Variants in ELOVL6 observed in about 807,000 individuals in gnomAD.
ELOVL6 encodes very long chain fatty acid elongase 6.
Under a neutral mutation model 31.7 loss-of-function variants are expected in ELOVL6, and 8 were observed. The ratio of observed to expected loss-of-function variants is 0.25; its 90% CI spans 0.15 to 0.45. The LOEUF (loss-of-function observed/expected upper bound fraction) is 0.45, where lower values mean the gene tolerates loss of function less well. ELOVL6 is among the 20% of genes least tolerant of loss of function. ELOVL6 has a pLI of 1.00. For missense variants in ELOVL6, 126 were observed against 326.4 expected (o/e 0.39, Z 4.73); for synonymous variants, 101 against 117.7 (o/e 0.86, Z 0.92).
intron 1 of ELOVL6, among the ~76,000 whole-genome samples, chr4:110,153,124 G>A (rs1162312202): frequency 6.6e-6 from 1 of 152,074 alleles, no homozygotes; most frequent in Non-Finnish European, 1.5e-5. Context: ...CTTGTAAGTA[G>A]GAAACCAGAA....
intron 1 of ELOVL6, among the ~76,000 whole-genome samples, chr4:110,125,826 C>CAA (rs200901190): frequency 2.6e-4 from 34 of 131,530 alleles, no homozygotes; most frequent in East Asian, 1.3e-3. Context: ...GACTCCATCT[C>CAA]AAAAAAAAAA....
chr4:110,062,662 C>CCCCT (rs1755180425), intron 2 of ELOVL6, among the ~76,000 whole-genome samples: 1 of 152,174 alleles, frequency 6.6e-6, no homozygotes, highest in Non-Finnish European at 1.5e-5. Context: ...TGTTCTGCTA[C>CCCCT]CCCTAGTCCT....
intron 1 of ELOVL6, among the ~76,000 whole-genome samples, chr4:110,158,657 A>ATATATATATATATATATATTTTTTT: frequency 2.7e-5 from 2 of 74,160 alleles, no homozygotes; most frequent in Non-Finnish European, 4.6e-5. Flanking sequence ...ATATATATAT[A>ATATATATATATATATATATTTTTTT]TTTTTTTTTT....
chr4:110,066,721 T>C (rs1276035476), intron 2 of ELOVL6, among the ~76,000 whole-genome samples: 1 of 147,766 alleles, frequency 6.8e-6, no homozygotes, highest in Non-Finnish European at 1.5e-5. Flanking sequence ...CACCTCAAAC[T>C]CTAAACCCTT....
intron 2 of ELOVL6, among the ~76,000 whole-genome samples, chr4:110,073,579 C>T (rs1040258786): frequency 2.0e-5 from 3 of 152,144 alleles, no homozygotes; most frequent in African/African-American, 7.2e-5. Flanking sequence ...ACTGAATTTT[C>T]CTAATGGCCT....
At position 110,092,343 on chromosome 4, in the gene ELOVL6, G is replaced by A. The variant is rs80105849; in HGVS notation, c.221+13154C>T. Among the ~76,000 whole-genome samples, 682 of 152,300 alleles carry A rather than the reference G, an allele frequency of 4.5e-3. 3 individuals are homozygous for A. Among genetic ancestry groups the A allele is most frequent in the Middle Eastern group, 0.02 (6 of 294 alleles). On this transcript the variant is annotated intron_variant, in intron 2 of 3. Coordinates refer to ENST00000302274, the MANE Select transcript of ELOVL6 (RefSeq NM_024090.3). ...AAGAACTGTCAATGCTTTCAAGGCC[G>A]AGGTCATAAGAGGCCTGTAAGAAGT... is the stretch of plus-strand genomic sequence containing the variant.
At chr4:110,110,401 ATT>A (rs397878146) in intron 1 of ELOVL6, among the ~76,000 whole-genome samples, 10,115 of 109,482 alleles carry the variant, frequency 0.092, 276 homozygotes, top group East Asian at 0.25. Flanking sequence ...TTTTCCGCAG[ATT>A]TTTTTTTTTT....
Position 110,084,011 on chromosome 4 carries a change from G to GC in ELOVL6, c.221+21485_221+21486insG, listed in dbSNP as rs1560813501. Among the ~76,000 whole-genome samples the GC allele has an allele frequency of 9.3e-5, 6 of 64,690 alleles. 2 individuals carry two copies. The East Asian group carries it at 2.5e-3, about 27-fold the overall frequency. 42.4% of individuals were successfully genotyped at this position (64,690 alleles called of 152,430 possible). A position where few individuals can be genotyped will look rare whatever the true frequency, so the allele number is the denominator to read the frequency against. ...ACGATATATAACATATGCCATATAT[G>GC]GTATATAACATATGCCATATATGGT... On this transcript the variant is annotated intron_variant, in intron 2 of 3. Transcript: ENST00000302274.
intron 2 of ELOVL6, among the ~76,000 whole-genome samples, chr4:110,081,061 A>G (rs1245057680): frequency 6.6e-6 from 1 of 152,164 alleles, no homozygotes; most frequent in South Asian, 2.1e-4. Context: ...CTTCAAGGAG[A>G]ACTACAAACC....
Position 110,198,525 on chromosome 4 carries a change from C to A in ELOVL6, c.-190G>T, listed in dbSNP as rs1169739806. On this transcript the variant is annotated 5_prime_UTR_variant, in exon 1 of 4. Coordinates refer to ENST00000302274, the MANE Select transcript of ELOVL6 (RefSeq NM_024090.3). The stretch of plus-strand genomic sequence containing the variant: ...TACATCCAGGGCTGAGCATTGCCTG[C>A]GCCTCCGCTCCCAGCTCCTCTCTCT... 3 of 540,914 alleles carry A rather than the reference C, an allele frequency of 5.5e-6. No homozygotes were observed. Among genetic ancestry groups the A allele is most frequent in the East Asian group, 3.2e-5 (1 of 31,212 alleles). 33.5% of individuals were successfully genotyped at this position (540,914 alleles called of 1,614,324 possible).
At chr4:110,113,495 A>G (rs1757094587) in intron 1 of ELOVL6, among the ~76,000 whole-genome samples, 1 of 150,458 alleles carries the variant, frequency 6.6e-6, no homozygotes, top group East Asian at 2.0e-4. Context: ...GGGTGGGAGG[A>G]CTGAGCCTAG....
At chr4:110,058,087 C>G (rs1243375859) in intron 3 of ELOVL6, among the ~76,000 whole-genome samples, 1 of 152,156 alleles carries the variant, frequency 6.6e-6, no homozygotes, top group East Asian at 1.9e-4. Context: ...TGACTTCATA[C>G]CTAGTGGTAC....
Position 110,156,006 on chromosome 4 carries a change from AG to A in ELOVL6, c.89+42240del, listed in dbSNP as rs544759257. Among the ~76,000 whole-genome samples, 16 of 152,376 alleles carry A rather than the reference AG, an allele frequency of 1.1e-4. No homozygotes were observed. In the South Asian group the frequency reaches 3.3e-3, roughly 32 times the overall value. On this transcript the variant is annotated intron_variant, in intron 1 of 3. Coordinates refer to ENST00000302274, the MANE Select transcript of ELOVL6 (RefSeq NM_024090.3). Reference sequence around the variant, plus strand: ...AAAAGACATTTTGCAAACTTCTCTCAGGAATAGTGCCTTAGTGGGCACATAT... The same window carrying A: ...AAAAGACATTTTGCAAACTTCTCTCAGAATAGTGCCTTAGTGGGCACATAT...
At chr4:110,059,855 G>A (rs1755091300) in intron 2 of ELOVL6, 101 bp from the exon 3 acceptor site, 2 of 953,630 alleles carry the variant, frequency 2.1e-6, no homozygotes. Context: ...CAGGAAATAG[G>A]CATAAGAATC....
intron 1 of ELOVL6, among the ~76,000 whole-genome samples, chr4:110,182,865 G>A (rs140129878): frequency 0.085 from 12,915 of 151,814 alleles, 761 homozygotes; most frequent in African/African-American, 0.14. Flanking sequence ...CCAAGATTGC[G>A]CCATTGCACT....
At chr4:110,196,171 C>G (rs901652623) in intron 1 of ELOVL6, among the ~76,000 whole-genome samples, 1 of 152,090 alleles carries the variant, frequency 6.6e-6, no homozygotes, top group East Asian at 1.9e-4. Flanking sequence ...CTAGGAATGG[C>G]GGGCGTACAG....
At chr4:110,084,383 A>G (rs1756119536) in intron 2 of ELOVL6, among the ~76,000 whole-genome samples, 1 of 117,506 alleles carries the variant, frequency 8.5e-6, no homozygotes, top group South Asian at 2.6e-4. Context: ...TATGATATAT[A>G]TCGCATATAT....
intron 2 of ELOVL6, among the ~76,000 whole-genome samples, chr4:110,067,479 C>T (rs935573569): frequency 6.6e-6 from 1 of 152,162 alleles, no homozygotes; most frequent in South Asian, 2.1e-4. Context: ...TATTGACTTG[C>T]AGTTCCACAG....
chr4:110,140,373 G>T (rs1040572095), intron 1 of ELOVL6, among the ~76,000 whole-genome samples: 1 of 152,176 alleles, frequency 6.6e-6, no homozygotes, highest in East Asian at 1.9e-4. Flanking sequence ...AAAAAAGAAT[G>T]GATGTTGACT....
Sources: allele counts gnomAD v4.1 joint callset (sites outside exome capture counted in the v4.1 genomes callset), GRCh38; gene constraint gnomAD v4.1.1; transcripts MANE v1.5; gene names NCBI Gene and HGNC (gene_info 2026-07-23, HGNC 2026-07-21).